Variants in MYOZ3 observed in about 807,000 individuals in gnomAD.
The protein encoded by MYOZ3 is myozenin-3.
In MYOZ3, 19 loss-of-function variants were observed where a neutral mutation model predicts 26.5. That is an observed-to-expected ratio of 0.72 (90% CI 0.50 to 1.05). The LOEUF (loss-of-function observed/expected upper bound fraction) is 1.05, where lower values mean the gene tolerates loss of function less well. Ranked by LOEUF, MYOZ3 falls within the 50% of genes least tolerant of loss-of-function variation. The pLI is 0.00. For synonymous variants in MYOZ3, 135 were observed against 138.8 expected (o/e 0.97, Z 0.19); for missense variants, 322 against 337.1 (o/e 0.96, Z 0.35).
chr5:150,668,600 T>G (rs1383388399), intron 2 of MYOZ3, among the ~76,000 whole-genome samples: 1 of 152,248 alleles, frequency 6.6e-6, no homozygotes, highest in East Asian at 1.9e-4. Context: ...TTTATGGAGC[T>G]GGAATATGAA....
chr5:150,665,834 G>A (rs1418167913), intron 2 of MYOZ3, among the ~76,000 whole-genome samples: 1 of 151,754 alleles, frequency 6.6e-6, no homozygotes, highest in African/African-American at 2.4e-5. Flanking sequence ...TTGGGAGCTC[G>A]AGACCAGCCT....
chr5:150,676,062 C>T (rs1274295486), intron 6 of MYOZ3, among the ~76,000 whole-genome samples: 3 of 152,180 alleles, frequency 2.0e-5, no homozygotes, highest in African/African-American at 7.2e-5. Flanking sequence ...TTTCAGTGCT[C>T]TTTCTAATGC....
chr5:150,670,572 C>T lies in MYOZ3; in HGVS notation c.150C>T (p.Leu50=). ...ELSLRNNRGS[L]LFQKRQRRVQ... ...CACTACGCAACAACAGAGGGTCCCT[C>T]CTCTTCCAGAAGAGGCAGCGCCGTG... Residue 50 remains leucine, a synonymous_variant, in exon 3 of 7, where the codon CTC becomes CTT. Coordinates refer to ENST00000517768, the MANE Select transcript of MYOZ3 (RefSeq NM_001122853.3). 2 of 1,613,368 alleles carry T rather than the reference C, an allele frequency of 1.2e-6. No individual in the cohort carries two copies. The highest frequency in any genetic ancestry group is 1.7e-6 in the Non-Finnish European group (2 of 1,179,704).
At chr5:150,672,299 G>T in intron 5 of MYOZ3, 41 bp from the exon 6 acceptor site, 1 of 1,558,196 alleles carries the variant, frequency 6.4e-7, no homozygotes, top group Non-Finnish European at 8.7e-7. Context: ...GGGGGCTGAG[G>T]GTGGAAGAAC....
intron 6 of MYOZ3, chr5:150,673,343 GTTATTA>G (rs141727118): frequency 2.0e-5 from 3 of 152,014 alleles, no homozygotes; most frequent in Admixed American, 1.3e-4. Flanking sequence ...TGTTGTTGTT[GTTATTA>G]TTATTATTTG....
Position 150,673,071 on chromosome 5 carries a change from T to C in MYOZ3, c.587+569T>C, listed in dbSNP as rs78332394. The stretch of plus-strand genomic sequence containing the variant: ...CAAAGTGGAGAGTGGCAGTGAAACA[T>C]TGGACGCCAGAGTGAGGGCCACAGC... On this transcript the variant is annotated intron_variant, in intron 6 of 6. Coordinates refer to ENST00000517768, the MANE Select transcript of MYOZ3 (RefSeq NM_001122853.3). 1,232 of 153,036 alleles carry C rather than the reference T, an allele frequency of 8.1e-3. 20 individuals carry two copies. Among genetic ancestry groups the C allele is most frequent in the South Asian group, 0.033 (159 of 4,846 alleles). The allele number at this position is 153,036 out of a possible 1,614,324, so 9.5% of individuals were successfully genotyped here.
intron 6 of MYOZ3, among the ~76,000 whole-genome samples, chr5:150,673,586 C>T (rs891706803): frequency 8.5e-5 from 13 of 152,136 alleles, no homozygotes; most frequent in African/African-American, 2.2e-4. Flanking sequence ...GTGATCCACC[C>T]GCCTTTGCCT....
intron 1 of MYOZ3, 80 bp from the exon 2 acceptor site, chr5:150,662,861 A>T: frequency 3.9e-6 from 5 of 1,284,356 alleles, no homozygotes; most frequent in Non-Finnish European, 4.5e-6. Context: ...GGACTGGGGC[A>T]GGGTGAACCA....
intron 6 of MYOZ3, 173 bp downstream of exon 6, chr5:150,672,675 G>A (rs1046609861): frequency 1.1e-5 from 8 of 696,288 alleles, no homozygotes; most frequent in African/African-American, 1.8e-5. Flanking sequence ...CCTGGTAGGT[G>A]CTCAGTTAAC....
rs193131016 is a variant in MYOZ3 at position 150,676,508 on chromosome 5, C to T, written c.588-199C>T. Among the ~76,000 whole-genome samples the T allele has an allele frequency of 1.3e-3, 192 of 144,612 alleles. 1 individual carries two copies. Among genetic ancestry groups the T allele is most frequent in the African/African-American group, 4.9e-3 (182 of 37,034 alleles). 94.9% of individuals were successfully genotyped at this position (144,612 alleles called of 152,430 possible). A position where few individuals can be genotyped will look rare whatever the true frequency, so the allele number is the denominator to read the frequency against. The stretch of plus-strand genomic sequence containing the variant: ...GCAGTGAGCTGAGATCACCCCACTG[C>T]GCTCCAACCTGGGTGACAGAGCGAG... On this transcript the variant is annotated intron_variant, in intron 6 of 6. Coordinates refer to ENST00000517768, the MANE Select transcript of MYOZ3 (RefSeq NM_001122853.3).
upstream of MYOZ3, chr5:150,661,105 G>C (rs1474754625): frequency 2.0e-5 from 3 of 152,510 alleles, no homozygotes; most frequent in East Asian, 5.6e-4. Flanking sequence ...GCATATGTGA[G>C]TGTGTGTGTA....
intron 1 of MYOZ3, among the ~76,000 whole-genome samples, chr5:150,662,681 C>T (rs555381277): frequency 2.0e-5 from 3 of 152,304 alleles, no homozygotes; most frequent in African/African-American, 7.2e-5. Context: ...GCCCTAGAAA[C>T]CACCCCTGAA....
chr5:150,670,597 G>A lies in MYOZ3; in HGVS notation c.175G>A (p.Val59Met), dbSNP rs1758889471. 1 of 1,612,488 alleles carries A rather than the reference G, an allele frequency of 6.2e-7. No homozygotes were observed. The highest frequency in any genetic ancestry group is 8.5e-7 in the Non-Finnish European group (1 of 1,179,110). The change falls in exon 3 of 7, where the codon GTG (valine) becomes ATG (methionine). Residue 59 changes from valine (V) to methionine (M), a missense_variant. Val to Met is a conservative substitution (Grantham distance 21). Transcript: ENST00000517768. ...CCTCTTCCAGAAGAGGCAGCGCCGT[G>A]TGCAGAAGTTCACTTTCGAGTTAGC... ...SLLFQKRQRR[V>M]QKFTFELAAS...
At chr5:150,676,670 C>T in intron 6 of MYOZ3, 37 bp from the exon 7 acceptor site, 1 of 1,600,812 alleles carries the variant, frequency 6.2e-7, no homozygotes, top group Non-Finnish European at 8.5e-7. Flanking sequence ...GTCCCTGTTC[C>T]ACACAGCCCA....
At chr5:150,671,063 A>G (rs1003911536) in intron 3 of MYOZ3, among the ~76,000 whole-genome samples, 5 of 152,058 alleles carry the variant, frequency 3.3e-5, no homozygotes, top group Non-Finnish European at 7.4e-5. Flanking sequence ...GTGGAGAAGA[A>G]AGGCAAGAAG....
At chr5:150,675,820 T>C (rs768357950) in intron 6 of MYOZ3, among the ~76,000 whole-genome samples, 1 of 152,214 alleles carries the variant, frequency 6.6e-6, no homozygotes, top group South Asian at 2.1e-4. Flanking sequence ...TCCTAAGCCA[T>C]ATGCTCAGAG....
chr5:150,662,929 TCTC>T lies in MYOZ3; in HGVS notation c.-1-7_-1-5del. 2 of 1,608,394 alleles carry T rather than the reference TCTC, an allele frequency of 1.2e-6. No individual in the cohort carries two copies. Among genetic ancestry groups the T allele is most frequent in the South Asian group, 2.2e-5 (2 of 90,128 alleles). On this transcript the variant is annotated splice_polypyrimidine_tract_variant and intron_variant, in intron 1 of 6. Coordinates refer to ENST00000517768, the MANE Select transcript of MYOZ3 (RefSeq NM_001122853.3). ...GCAGCCTGGTCCATTTATGGGGGTC[TCTC>T]CTCCACAGGATGATCCCCAAGGAGC...
At chr5:150,664,210 C>T (rs1758775807) in intron 2 of MYOZ3, among the ~76,000 whole-genome samples, 1 of 152,082 alleles carries the variant, frequency 6.6e-6, no homozygotes, top group African/African-American at 2.4e-5. Flanking sequence ...ATGTGGCATC[C>T]TTTTAACCTA....
chr5:150,670,825 T>A, intron 3 of MYOZ3, 187 bp downstream of exon 3: 1 of 341,210 alleles, frequency 2.9e-6, no homozygotes, highest in Non-Finnish European at 4.7e-6. Context: ...CAGAACAAAG[T>A]AAACAAAGTG....
Sources: gnomAD v4.1 joint callset for allele counts (sites outside exome capture counted in the v4.1 genomes callset) on GRCh38, gnomAD v4.1.1 for gene constraint, MANE v1.5 for transcripts, NCBI Gene and HGNC (gene_info 2026-07-23, HGNC 2026-07-21) for gene names.